SNTG1: variants seen among roughly 807,000 people sequenced by gnomAD.
SNTG1 encodes the protein syntrophin gamma 1.
SNTG1 carries 39 observed loss-of-function variants against 74.7 expected under a neutral mutation model. The observed-to-expected ratio is 0.52, with a 90% confidence interval of 0.40 to 0.68. The LOEUF (loss-of-function observed/expected upper bound fraction) is 0.68, where lower values mean the gene tolerates loss of function less well. SNTG1 is among the 30% of genes least tolerant of loss of function. The pLI is 0.00. For missense variants in SNTG1, 685 were observed against 609.5 expected, an observed-to-expected ratio of 1.12 and a Z score of -1.30; for synonymous variants, 254 against 217.1, an observed-to-expected ratio of 1.17 and a Z score of -1.49.
At chr8:50,234,812 T>A (rs185348165) in intron 2 of SNTG1, among the ~76,000 whole-genome samples, 2 of 152,186 alleles carry the variant, frequency 1.3e-5, no homozygotes, top group Admixed American at 6.5e-5. Flanking sequence ...TTAAAAATGG[T>A]CCTTTGGATC....
At chr8:49,929,173 C>A (rs1434755140) in intron 1 of SNTG1, among the ~76,000 whole-genome samples, 2 of 152,038 alleles carry the variant, frequency 1.3e-5, no homozygotes. Flanking sequence ...ATATTGACAA[C>A]CACTTCCCAT....
intron 2 of SNTG1, among the ~76,000 whole-genome samples, chr8:50,256,150 C>T (rs2086870254): frequency 6.6e-6 from 1 of 151,944 alleles, no homozygotes; most frequent in African/African-American, 2.4e-5. Context: ...AAGTATGTTC[C>T]ATGTGTCTTT....
chr8:50,351,814 T>C lies in SNTG1; in HGVS notation c.-27-42398T>C, dbSNP rs372068248. Among the ~76,000 whole-genome samples, 3 of 152,216 alleles carry C rather than the reference T, an allele frequency of 2.0e-5. 1 individual carries two copies. The highest frequency in any genetic ancestry group is 7.2e-5 in the African/African-American group (3 of 41,534). The stretch of plus-strand genomic sequence containing the variant: ...GCTGATTAAGGAGATTCTTAAAAAG[T>C]TGTGGCTAAAGTTTGGGAAGTTACT... On this transcript the variant is annotated intron_variant, in intron 2 of 18. Transcript: ENST00000642720.
At chr8:50,199,416 C>T (rs958817874) in intron 2 of SNTG1, among the ~76,000 whole-genome samples, 12 of 151,998 alleles carry the variant, frequency 7.9e-5, no homozygotes, top group Admixed American at 7.9e-4. Context: ...CAGTGTTTCA[C>T]CATGTTGGCC....
At chr8:50,554,334 A>G (rs961461158) in intron 12 of SNTG1, among the ~76,000 whole-genome samples, 6 of 152,022 alleles carry the variant, frequency 3.9e-5, no homozygotes, top group South Asian at 2.1e-4. Context: ...GTGTTTTCCA[A>G]TTGGCTGTGC....
chr8:50,633,619 A>T (rs1163537996), intron 13 of SNTG1, among the ~76,000 whole-genome samples: 1 of 152,146 alleles, frequency 6.6e-6, no homozygotes, highest in African/African-American at 2.4e-5. Flanking sequence ...CTTAAGGAGG[A>T]ATATGAATGT....
At chr8:50,470,652 C>A (rs2093645434) in intron 8 of SNTG1, among the ~76,000 whole-genome samples, 1 of 151,904 alleles carries the variant, frequency 6.6e-6, no homozygotes, top group South Asian at 2.1e-4. Context: ...TGTGGTGCGT[C>A]CGGAGTTGTT....
At chr8:49,962,684 C>T (rs1810798201) in intron 1 of SNTG1, among the ~76,000 whole-genome samples, 1 of 152,126 alleles carries the variant, frequency 6.6e-6, no homozygotes, top group African/African-American at 2.4e-5. Flanking sequence ...CAACCTCTTC[C>T]TCCCAGTTCA....
At chr8:50,059,890 C>A (rs144705334) in intron 1 of SNTG1, among the ~76,000 whole-genome samples, 15 of 152,178 alleles carry the variant, frequency 9.9e-5, no homozygotes, top group African/African-American at 2.9e-4. Flanking sequence ...TATGGTAACT[C>A]TATCTTTAAC....
At chr8:50,694,875 A>T (rs2095397980) in intron 15 of SNTG1, among the ~76,000 whole-genome samples, 1 of 148,574 alleles carries the variant, frequency 6.7e-6, no homozygotes, top group Admixed American at 6.6e-5. Context: ...AAAATTCAAC[A>T]TTCTTTTATA....
chr8:49,974,522 G>T (rs991256785), intron 1 of SNTG1, among the ~76,000 whole-genome samples: 5 of 152,140 alleles, frequency 3.3e-5, no homozygotes, highest in African/African-American at 1.2e-4. Flanking sequence ...TTCTCAAGAT[G>T]AATGCAAAAG....
intron 5 of SNTG1, among the ~76,000 whole-genome samples, chr8:50,447,372 T>C (rs553256182): frequency 1.3e-5 from 2 of 152,358 alleles, no homozygotes; most frequent in South Asian, 2.1e-4. Flanking sequence ...AAAATCATTG[T>C]TGTTCCCTGT....
chr8:49,940,023 T>C (rs1379386102), intron 1 of SNTG1, among the ~76,000 whole-genome samples: 1 of 151,940 alleles, frequency 6.6e-6, no homozygotes, highest in East Asian at 1.9e-4. Flanking sequence ...CGACATAGCA[T>C]GAGATGATTT....
intron 1 of SNTG1, among the ~76,000 whole-genome samples, chr8:50,115,576 A>AAAAAAAAAAAC (rs1554580679): frequency 2.4e-4 from 20 of 82,900 alleles, no homozygotes; most frequent in African/African-American, 5.4e-4. Context: ...TCAAAAAAAA[A>AAAAAAAAAAAC]AAAAAAAAAA....
At chr8:50,019,832 T>C (rs1816658997) in intron 1 of SNTG1, among the ~76,000 whole-genome samples, 1 of 152,082 alleles carries the variant, frequency 6.6e-6, no homozygotes, top group South Asian at 2.1e-4. Context: ...GAGGTCCTGC[T>C]GGGTGTGAAA....
intron 2 of SNTG1, among the ~76,000 whole-genome samples, chr8:50,257,079 C>T (rs2086919039): frequency 2.0e-5 from 3 of 151,778 alleles, no homozygotes; most frequent in African/African-American, 7.3e-5. Flanking sequence ...TGAAGCACCC[C>T]CACCAGCAGA....
At chr8:50,315,454 T>A (rs2090280064) in intron 2 of SNTG1, among the ~76,000 whole-genome samples, 1 of 150,000 alleles carries the variant, frequency 6.7e-6, no homozygotes, top group African/African-American at 2.5e-5. Context: ...AATAACTGTA[T>A]TGATCATATT....
At chr8:50,024,469 G>C (rs2130704437) in intron 1 of SNTG1, among the ~76,000 whole-genome samples, 1 of 152,166 alleles carries the variant, frequency 6.6e-6, no homozygotes, top group Non-Finnish European at 1.5e-5. Flanking sequence ...CTTATTTCAT[G>C]TCAGTTGTGT....
At chr8:50,462,039 T>C (rs151277694) in intron 8 of SNTG1, among the ~76,000 whole-genome samples, 74 of 152,178 alleles carry the variant, frequency 4.9e-4, no homozygotes, top group Middle Eastern at 3.4e-3. Flanking sequence ...ACATATTCGG[T>C]ACAGTGTACT....
Sources: allele counts gnomAD v4.1 joint callset (sites outside exome capture counted in the v4.1 genomes callset), GRCh38; gene constraint gnomAD v4.1.1; transcripts MANE v1.5; gene names NCBI Gene and HGNC (gene_info 2026-07-23, HGNC 2026-07-21).